ATXN1: variants seen among roughly 807,000 people sequenced by gnomAD.
The protein encoded by ATXN1 is ataxin-1.
Under a neutral mutation model 56.4 loss-of-function variants are expected in ATXN1, and 8 were observed. That is an observed-to-expected ratio of 0.14 (90% confidence interval 0.08 to 0.26). ATXN1 has a LOEUF of 0.26. ATXN1 is among the 10% of genes least tolerant of loss of function. The pLI is 1.00. For synonymous variants in ATXN1, 514 were observed against 494.6 expected, an observed-to-expected ratio of 1.04 and a Z score of -0.52; for missense variants, 987 against 1,106.5, an observed-to-expected ratio of 0.89 and a Z score of 1.53.
chr6:16,709,296 T>C (rs749257073), intron 2 of ATXN1, among the ~76,000 whole-genome samples: 3 of 151,988 alleles, frequency 2.0e-5, no homozygotes, highest in African/African-American at 7.3e-5. Flanking sequence ...AAACTTTATG[T>C]CAATAAATCT....
intron 3 of ATXN1, among the ~76,000 whole-genome samples, chr6:16,590,602 T>C (rs1036392827): frequency 3.3e-5 from 5 of 152,214 alleles, no homozygotes; most frequent in Admixed American, 2.0e-4. Flanking sequence ...ATCATTTTTC[T>C]GATTGAGGCT....
intron 6 of ATXN1, among the ~76,000 whole-genome samples, chr6:16,383,542 C>CT (rs902260142): frequency 6.6e-6 from 1 of 152,282 alleles, no homozygotes; most frequent in Non-Finnish European, 1.5e-5. Flanking sequence ...AAACACAATT[C>CT]TTAAAATATA....
At chr6:16,575,964 G>A (rs1762413125) in intron 4 of ATXN1, among the ~76,000 whole-genome samples, 1 of 152,132 alleles carries the variant, frequency 6.6e-6, no homozygotes, top group South Asian at 2.1e-4. Context: ...GGTACTCCAA[G>A]CCCCTGAATC....
chr6:16,390,312 T>C (rs1362778196), intron 6 of ATXN1, among the ~76,000 whole-genome samples: 1 of 152,216 alleles, frequency 6.6e-6, no homozygotes, highest in East Asian at 1.9e-4. Context: ...TCCTATCACC[T>C]TCCTGGCTAA....
chr6:16,706,693 C>T (rs891205957), intron 2 of ATXN1, among the ~76,000 whole-genome samples: 1 of 147,808 alleles, frequency 6.8e-6, no homozygotes, highest in African/African-American at 2.5e-5. Context: ...CATTGCGCTC[C>T]AGCCTGGGCG....
At chr6:16,654,991 CAA>C (rs1758166395) in intron 3 of ATXN1, among the ~76,000 whole-genome samples, 1 of 152,104 alleles carries the variant, frequency 6.6e-6, no homozygotes, top group African/African-American at 2.4e-5. Flanking sequence ...CAGCTGCTAA[CAA>C]GAGTGACATC....
At chr6:16,469,285 G>C (rs550734010) in intron 6 of ATXN1, among the ~76,000 whole-genome samples, 50 of 152,238 alleles carry the variant, frequency 3.3e-4, no homozygotes, top group Non-Finnish European at 5.7e-4. Flanking sequence ...ATATAAATAA[G>C]TTTAATACAG....
Position 16,327,345 on chromosome 6 carries a change from C to G in ATXN1, c.966G>C (p.Glu322Asp), listed in dbSNP as rs1337581494. 1 of 1,613,498 alleles carries G rather than the reference C, an allele frequency of 6.2e-7. No homozygotes were observed. The highest frequency in any genetic ancestry group is 8.5e-7 in the Non-Finnish European group (1 of 1,179,988). ...SRLQQAIQAK[E>D]VLNGEMEKSR... Reference sequence around the variant, plus strand: ...TCTTCTCCATCTCACCGTTCAGGACCTCCTTGGCCTGGATGGCCTGCTGCA... The same window carrying G: ...TCTTCTCCATCTCACCGTTCAGGACGTCCTTGGCCTGGATGGCCTGCTGCA... The change falls in exon 7 of 8, where the codon GAG (glutamate) becomes GAC (aspartate). Residue 322 changes from glutamate (E) to aspartate (D), a missense_variant. By Grantham distance (45) the Glu-to-Asp change is conservative. Coordinates refer to ENST00000436367, the MANE Select transcript of ATXN1 (RefSeq NM_001128164.2).
chr6:16,525,326 A>G (rs1447017553), intron 4 of ATXN1, among the ~76,000 whole-genome samples: 3 of 152,224 alleles, frequency 2.0e-5, no homozygotes, highest in Non-Finnish European at 4.4e-5. Context: ...CACACAATGG[A>G]ATATTATTCA....
intron 4 of ATXN1, among the ~76,000 whole-genome samples, chr6:16,538,547 A>G (rs1377981268): frequency 1.3e-5 from 2 of 151,834 alleles, no homozygotes; most frequent in Non-Finnish European, 2.9e-5. Context: ...TTGTCATTTA[A>G]CATTAGGTAT....
At position 16,581,989 on chromosome 6, in the gene ATXN1, T is replaced by G. The variant is rs1232441405; in HGVS notation, c.-361+3791A>C. On this transcript the variant is annotated intron_variant, in intron 4 of 7. Coordinates refer to ENST00000436367, the MANE Select transcript of ATXN1 (RefSeq NM_001128164.2). ...CATTTACATTACCTAAATTGAGAGA[T>G]GAGTAGCCCGATGATCTTTACTGGC... 2.0e-5 allele frequency among the ~76,000 whole-genome samples: 3 copies of G among 152,336 alleles called. No individual in the cohort carries two copies. In the South Asian group the frequency reaches 6.2e-4, roughly 32 times the overall value.
chr6:16,522,499 A>T (rs1581818955), intron 5 of ATXN1, 128 bp downstream of exon 5: 1 of 152,076 alleles, frequency 6.6e-6, no homozygotes, highest in Admixed American at 6.5e-5. Flanking sequence ...TAGGAAAAAT[A>T]CCTTGGTTCC....
At chr6:16,526,170 T>C (rs1387072388) in intron 4 of ATXN1, among the ~76,000 whole-genome samples, 1 of 151,676 alleles carries the variant, frequency 6.6e-6, no homozygotes, top group Non-Finnish European at 1.5e-5. Context: ...TTAACATCAA[T>C]AGATGTATCA....
intron 6 of ATXN1, among the ~76,000 whole-genome samples, chr6:16,415,776 CA>C (rs1384937772): frequency 2.6e-5 from 4 of 152,176 alleles, no homozygotes; most frequent in Non-Finnish European, 5.9e-5. Context: ...AATGGGAAAC[CA>C]TCTTACTTAT....
intron 5 of ATXN1, among the ~76,000 whole-genome samples, chr6:16,505,005 T>TC (rs1760956075): frequency 6.6e-6 from 1 of 151,512 alleles, no homozygotes; most frequent in South Asian, 2.1e-4. Flanking sequence ...TTTTTTTTTT[T>TC]TTTTTAGCTT....
intron 2 of ATXN1, among the ~76,000 whole-genome samples, chr6:16,703,534 G>C (rs1007092150): frequency 6.6e-6 from 1 of 152,068 alleles, no homozygotes; most frequent in Non-Finnish European, 1.5e-5. Context: ...TCTATGAAAA[G>C]TATTGCAACT....
chr6:16,698,320 C>T (rs949100811), intron 2 of ATXN1, among the ~76,000 whole-genome samples: 1 of 152,188 alleles, frequency 6.6e-6, no homozygotes, highest in Non-Finnish European at 1.5e-5. Context: ...TTTAGAGCAG[C>T]TCATAGTACC....
At position 16,467,524 on chromosome 6, in the gene ATXN1, GA is replaced by G. The variant is rs201418725; in HGVS notation, c.-161+18447del. Among the ~76,000 whole-genome samples, 543 of 152,300 alleles carry G rather than the reference GA, an allele frequency of 3.6e-3. 1 individual carries two copies. Among genetic ancestry groups the G allele is most frequent in the African/African-American group, 0.012 (519 of 41,566 alleles). ...GGTGGGGGATGGAGGGAGCATTATA[GA>G]AGAACACGCATCCCAGTGACAGTAT... On this transcript the variant is annotated intron_variant, in intron 6 of 7. Transcript: ENST00000436367.
Position 16,730,483 on chromosome 6 carries a change from G to GTATATATATATATATATATATA in ATXN1, c.-615+22749_-615+22750insTATATATATATATATATATATA, listed in dbSNP as rs1283942311. Reference sequence around the variant, plus strand: ...CTTTCTGGAGTTAAAGGGTAAAACAGTATGTATATATATATATATATATAA... The same window carrying GTATATATATATATATATATATA: ...CTTTCTGGAGTTAAAGGGTAAAACAGTATATATATATATATATATATATATGTATATATATATATATATATAA... On this transcript the variant is annotated intron_variant, in intron 2 of 7. Coordinates refer to ENST00000436367, the MANE Select transcript of ATXN1 (RefSeq NM_001128164.2). Among the ~76,000 whole-genome samples the GTATATATATATATATATATATA allele has an allele frequency of 1.4e-3, 106 of 74,476 alleles. 1 individual carries two copies. Among genetic ancestry groups the GTATATATATATATATATATATA allele is most frequent in the African/African-American group, 4.8e-3 (101 of 21,230 alleles). The allele number at this position is 74,476 out of a possible 152,430, so 48.9% of individuals were successfully genotyped here.
Sources: gnomAD v4.1 joint callset for allele counts (sites outside exome capture counted in the v4.1 genomes callset) on GRCh38, gnomAD v4.1.1 for gene constraint, MANE v1.5 for transcripts, NCBI Gene and HGNC (gene_info 2026-07-23, HGNC 2026-07-21) for gene names.